OPCML: variants seen among roughly 807,000 people sequenced by gnomAD.
OPCML encodes opioid binding protein/cell adhesion molecule like, also known as opioid-binding protein/cell adhesion molecule.
Under a neutral mutation model 37.8 loss-of-function variants are expected in OPCML, and 13 were observed. The observed-to-expected ratio is 0.34, with a 90% confidence interval of 0.22 to 0.55. OPCML has a LOEUF of 0.55. OPCML is among the 20% of genes least tolerant of loss of function. The pLI, the probability that OPCML is intolerant of heterozygous loss-of-function variation, is 0.91. For synonymous variants in OPCML, 176 were observed against 168.8 expected (o/e 1.04, Z -0.33); for missense variants, 341 against 435.6 (o/e 0.78, Z 1.93).
intron 1 of OPCML, among the ~76,000 whole-genome samples, chr11:133,488,978 G>T (rs200888673): frequency 1.4e-5 from 2 of 138,794 alleles, no homozygotes; most frequent in Non-Finnish European, 3.0e-5. Context: ...TGTGCACTGG[G>T]GAAAGGACAC....
At chr11:132,842,506 G>A (rs61906888) in intron 2 of OPCML, among the ~76,000 whole-genome samples, 7,021 of 152,248 alleles carry the variant, frequency 0.046, 210 homozygotes, top group Middle Eastern at 0.078. Flanking sequence ...GTTAACCTCC[G>A]GGTTAGGAAG....
intron 1 of OPCML, among the ~76,000 whole-genome samples, chr11:133,410,582 T>G (rs1008131372): frequency 5.0e-5 from 7 of 141,044 alleles, no homozygotes; most frequent in Admixed American, 1.5e-4. Context: ...AGTTGTGGGG[T>G]TTTTGTTGCT....
At chr11:133,432,452 T>G (rs1249905819) in intron 1 of OPCML, among the ~76,000 whole-genome samples, 1 of 152,168 alleles carries the variant, frequency 6.6e-6, no homozygotes, top group African/African-American at 2.4e-5. Context: ...CAAAGCTCAC[T>G]GTGGCCTCAA....
At chr11:133,530,382 G>T (rs1317906747) in intron 1 of OPCML, among the ~76,000 whole-genome samples, 1 of 152,232 alleles carries the variant, frequency 6.6e-6, no homozygotes, top group Admixed American at 6.5e-5. Flanking sequence ...TGCCATAAGG[G>T]GCGCATCCAT....
At chr11:132,666,281 G>T (rs1032740649) in intron 2 of OPCML, among the ~76,000 whole-genome samples, 1 of 152,188 alleles carries the variant, frequency 6.6e-6, no homozygotes, top group African/African-American at 2.4e-5. Context: ...AGAAGGGAAA[G>T]GGGAGTTGGT....
At chr11:132,478,717 A>T (rs1166438244) in intron 4 of OPCML, among the ~76,000 whole-genome samples, 1 of 152,134 alleles carries the variant, frequency 6.6e-6, no homozygotes, top group African/African-American at 2.4e-5. Context: ...AGCCTAGTAA[A>T]GTTCTTAAGT....
chr11:132,968,478 C>CT (rs531687463), intron 1 of OPCML, among the ~76,000 whole-genome samples: 172 of 151,934 alleles, frequency 1.1e-3, no homozygotes, highest in Non-Finnish European at 2.1e-3. Context: ...AGCTTCAAAT[C>CT]TTTTTTTTGT....
intron 1 of OPCML, among the ~76,000 whole-genome samples, chr11:133,471,569 G>A (rs995407250): frequency 2.6e-5 from 4 of 152,134 alleles, no homozygotes; most frequent in African/African-American, 9.7e-5. Flanking sequence ...GAAAGACACA[G>A]ATATTCCACT....
At chr11:132,523,668 T>C (rs1454143440) in intron 4 of OPCML, among the ~76,000 whole-genome samples, 1 of 152,210 alleles carries the variant, frequency 6.6e-6, no homozygotes, top group Non-Finnish European at 1.5e-5. Context: ...TAAAGGGTCA[T>C]ATTCCTAGTT....
intron 1 of OPCML, among the ~76,000 whole-genome samples, chr11:133,218,823 C>T (rs1939695381): frequency 6.6e-6 from 1 of 152,158 alleles, no homozygotes; most frequent in East Asian, 1.9e-4. Context: ...TGGCACTCAT[C>T]TGACTTCAGA....
Position 132,996,859 on chromosome 11 carries a change from A to G in OPCML, c.62-53849T>C, listed in dbSNP as rs529138041. 5.9e-5 allele frequency among the ~76,000 whole-genome samples: 9 copies of G among 152,168 alleles called. No homozygotes were observed. The East Asian group carries it at 1.6e-3, about 26-fold the overall frequency. On this transcript the variant is annotated intron_variant, in intron 1 of 7. Coordinates refer to ENST00000524381, the MANE Select transcript of OPCML (RefSeq NM_001012393.5). ...TATTTTAAACATATAATTGATTCTA[A>G]TTCATCATTTATCGCTCAGTGACAG...
chr11:132,760,060 G>C (rs1394541535), intron 2 of OPCML, among the ~76,000 whole-genome samples: 3 of 152,146 alleles, frequency 2.0e-5, no homozygotes, highest in African/African-American at 7.2e-5. Flanking sequence ...TATCTACCCA[G>C]TAGTCATTCA....
At chr11:132,904,625 C>T (rs937464741) in intron 2 of OPCML, among the ~76,000 whole-genome samples, 21 of 152,198 alleles carry the variant, frequency 1.4e-4, no homozygotes, top group African/African-American at 4.8e-5. Context: ...GCTATTAAGA[C>T]TAGGTGTTTT....
chr11:133,485,343 T>C (rs1415386766), intron 1 of OPCML, among the ~76,000 whole-genome samples: 7 of 152,146 alleles, frequency 4.6e-5, no homozygotes, highest in Non-Finnish European at 1.0e-4. Flanking sequence ...ACAAAACCTA[T>C]ATAAATAAAA....
intron 1 of OPCML, among the ~76,000 whole-genome samples, chr11:132,967,685 C>T (rs1199682237): frequency 6.6e-6 from 1 of 152,154 alleles, no homozygotes; most frequent in African/African-American, 2.4e-5. Context: ...AAGGAATAGG[C>T]ATTTATACTG....
chr11:133,194,974 C>T (rs979323152), intron 1 of OPCML, among the ~76,000 whole-genome samples: 1 of 152,174 alleles, frequency 6.6e-6, no homozygotes, highest in Non-Finnish European at 1.5e-5. Flanking sequence ...TAGTATCAAT[C>T]CCTGTTTCCT....
At chr11:133,473,641 C>G (rs552360934) in intron 1 of OPCML, among the ~76,000 whole-genome samples, 1 of 152,210 alleles carries the variant, frequency 6.6e-6, no homozygotes, top group South Asian at 2.1e-4. Flanking sequence ...ATAATCTTCC[C>G]AACTGTTCCA....
chr11:133,242,722 T>C (rs904751984), intron 1 of OPCML, among the ~76,000 whole-genome samples: 1 of 152,054 alleles, frequency 6.6e-6, no homozygotes, highest in Non-Finnish European at 1.5e-5. Flanking sequence ...CCTATGAATG[T>C]GAGAAAAGGG....
At chr11:132,462,928 G>A (rs972190129) in intron 4 of OPCML, among the ~76,000 whole-genome samples, 1 of 152,218 alleles carries the variant, frequency 6.6e-6, no homozygotes, top group South Asian at 2.1e-4. Context: ...TTGGGGGAAA[G>A]AGGGTCCAGA....
Sources: gnomAD v4.1 joint callset for allele counts (sites outside exome capture counted in the v4.1 genomes callset) on GRCh38, gnomAD v4.1.1 for gene constraint, MANE v1.5 for transcripts, NCBI Gene and HGNC (gene_info 2026-07-23, HGNC 2026-07-21) for gene names.